The following WDR33 variants were observed in gnomAD, a reference collection of about 807,000 sequenced individuals.
WDR33 encodes the protein pre-mRNA 3' end processing protein WDR33.
WDR33 carries 47 observed loss-of-function variants against 164.9 expected under a neutral mutation model. The observed-to-expected ratio is 0.29, with a 90% confidence interval of 0.23 to 0.36. The LOEUF is 0.36. WDR33 is among the 10% of genes least tolerant of loss of function. The pLI, the probability that WDR33 is intolerant of heterozygous loss-of-function variation, is 1.00. For missense variants in WDR33, 1,137 were observed against 1,754.1 expected (o/e 0.65, Z 6.28); for synonymous variants, 505 against 589.0 (o/e 0.86, Z 2.06).
In WDR33 at chr2:127,719,237, G is replaced by A. The variant is rs1686366425; in HGVS notation, c.2760+28C>T. ...TCTGTGCAGAGTGTATTTTCCCAAT[G>A]TGCCCGTGAGTTGGAAATGAATAAT... On this transcript the variant is annotated intron_variant, in intron 16 of 21. Transcript: ENST00000322313. The surrounding 1 kb of genome is among the most constrained non-coding windows in gnomAD (Gnocchi z 6.5). 1 of 1,395,232 alleles carries A rather than the reference G, an allele frequency of 7.2e-7. No individual in the cohort carries two copies. Among genetic ancestry groups the A allele is most frequent in the African/African-American group, 1.4e-5 (1 of 69,074 alleles). 86.4% of individuals were successfully genotyped at this position (1,395,232 alleles called of 1,614,324 possible). A position where few individuals can be genotyped will look rare whatever the true frequency, so the allele number is the denominator to read the frequency against.
chr2:127,761,025 G>A (rs1368950325), intron 7 of WDR33, among the ~76,000 whole-genome samples: 3 of 152,034 alleles, frequency 2.0e-5, no homozygotes, highest in African/African-American at 7.2e-5. Flanking sequence ...AATTTCAAAG[G>A]AAAGTTCTTA....
chr2:127,734,980 A>G (rs1686803707), intron 7 of WDR33, among the ~76,000 whole-genome samples: 1 of 152,240 alleles, frequency 6.6e-6, no homozygotes. Flanking sequence ...AATAAAATGC[A>G]GACTCCTTAA....
intron 1 of WDR33, among the ~76,000 whole-genome samples, chr2:127,795,835 G>A (rs966388995): frequency 2.8e-5 from 4 of 144,878 alleles, no homozygotes; most frequent in Non-Finnish European, 3.0e-5. Context: ...CTTTGTCTCC[G>A]GAAAAAAAAA....
intron 7 of WDR33, among the ~76,000 whole-genome samples, chr2:127,751,590 A>T (rs1394659057): frequency 6.6e-6 from 1 of 151,940 alleles, no homozygotes; most frequent in East Asian, 1.9e-4. Context: ...AATACACTTA[A>T]AAAAGATACA....
chr2:127,701,858 G>A lies in WDR33; in HGVS notation c.*4465C>T, dbSNP rs1167458418. 6.8e-7 allele frequency: 1 copy of A among 1,461,400 alleles called. No homozygotes were observed. The highest frequency in any genetic ancestry group is 1.3e-5 in the South Asian group (1 of 77,964). 90.5% of individuals were successfully genotyped at this position (1,461,400 alleles called of 1,614,324 possible). On this transcript the variant is annotated 3_prime_UTR_variant, in exon 22 of 22. Coordinates refer to ENST00000322313, the MANE Select transcript of WDR33 (RefSeq NM_018383.5). ...TGCTGCGCGCGCGCAAGTTCGCGCT[G>A]CTCTGGTCACTGGGCTCGGCGCTGG...
intron 8 of WDR33, among the ~76,000 whole-genome samples, chr2:127,725,766 A>G (rs1353562970): frequency 6.8e-6 from 1 of 147,426 alleles, no homozygotes; most frequent in African/African-American, 2.5e-5. Flanking sequence ...TAATAATAAT[A>G]ATAATAATAA....
chr2:127,777,140 C>G (rs1422917038), intron 1 of WDR33, among the ~76,000 whole-genome samples: 1 of 152,166 alleles, frequency 6.6e-6, no homozygotes, highest in Non-Finnish European at 1.5e-5. Context: ...AACAATACAA[C>G]CAAATTGCTA....
chr2:127,739,873 A>G (rs1686962533), intron 7 of WDR33, among the ~76,000 whole-genome samples: 1 of 152,224 alleles, frequency 6.6e-6, no homozygotes, highest in Non-Finnish European at 1.5e-5. Context: ...AACTTTTGTA[A>G]GACTGCTAAA....
chr2:127,722,132 T>A lies in WDR33; in HGVS notation c.1519-144A>T. 1.1e-6 allele frequency: 1 copy of A among 938,098 alleles called. No individual in the cohort carries two copies. Among genetic ancestry groups the A allele is most frequent in the Non-Finnish European group, 1.6e-6 (1 of 642,810 alleles). The allele number at this position is 938,098 out of a possible 1,614,324, so 58.1% of individuals were successfully genotyped here. The stretch of plus-strand genomic sequence containing the variant: ...TTTTACCTTTTCTCCATGACTCAAG[T>A]ACATGACTCATGCTAATTCTTACTG... On this transcript the variant is annotated intron_variant, in intron 14 of 21. Transcript: ENST00000322313. The surrounding 1 kb of genome is among the most constrained non-coding windows in gnomAD (Gnocchi z 5.1).
At chr2:127,754,487 C>T (rs1687462567) in intron 7 of WDR33, among the ~76,000 whole-genome samples, 2 of 152,018 alleles carry the variant, frequency 1.3e-5, no homozygotes, top group South Asian at 2.1e-4. Context: ...GGCGCGATCT[C>T]GGCTCACTGC....
chr2:127,764,201 T>C lies in WDR33; in HGVS notation c.626+627A>G. On this transcript the variant is annotated intron_variant, in intron 6 of 21. Coordinates refer to ENST00000322313, the MANE Select transcript of WDR33 (RefSeq NM_018383.5). The surrounding 1 kb of genome is among the most constrained non-coding windows in gnomAD (Gnocchi z 6.2). ...TTTAAACTCCACTTATTGTATACAT[T>C]TGCATAAGTGATGTTATCAACAGTG... The C allele has an allele frequency of 2.8e-6, 3 of 1,065,258 alleles. No homozygotes were observed. The highest frequency in any genetic ancestry group is 3.4e-6 in the Non-Finnish European group (3 of 882,346). The allele number at this position is 1,065,258 out of a possible 1,614,324, so 66.0% of individuals were successfully genotyped here. A position where few individuals can be genotyped will look rare whatever the true frequency, so the allele number is the denominator to read the frequency against.
At chr2:127,798,150 C>T (rs1456655197) in intron 1 of WDR33, among the ~76,000 whole-genome samples, 2 of 151,016 alleles carry the variant, frequency 1.3e-5, no homozygotes, top group African/African-American at 4.9e-5. Flanking sequence ...GGTGGATCAC[C>T]TGAGATCAGG....
intron 7 of WDR33, among the ~76,000 whole-genome samples, chr2:127,752,228 C>T (rs1486518679): frequency 6.6e-6 from 1 of 152,180 alleles, no homozygotes; most frequent in Non-Finnish European, 1.5e-5. Context: ...AATTCTTGTG[C>T]TTAAGGTTGG....
At chr2:127,757,077 CAA>C (rs11381814) in intron 7 of WDR33, among the ~76,000 whole-genome samples, 35 of 85,000 alleles carry the variant, frequency 4.1e-4, no homozygotes, top group Non-Finnish European at 3.6e-4. Flanking sequence ...AACCTGTCTC[CAA>C]AAAAAAAAAA....
At chr2:127,773,407 T>G (rs1688074991) in intron 1 of WDR33, among the ~76,000 whole-genome samples, 1 of 135,310 alleles carries the variant, frequency 7.4e-6, no homozygotes, top group Non-Finnish European at 1.5e-5. Context: ...TAAATTTGAA[T>G]AATAATAACA....
chr2:127,756,768 G>C (rs530629760), intron 7 of WDR33, among the ~76,000 whole-genome samples: 4 of 151,984 alleles, frequency 2.6e-5, no homozygotes, highest in Non-Finnish European at 5.9e-5. Context: ...ATAATCATAG[G>C]GATTTGTCAC....
intron 17 of WDR33, among the ~76,000 whole-genome samples, chr2:127,715,153 G>A (rs1686270391): frequency 6.9e-6 from 1 of 145,622 alleles, no homozygotes; most frequent in Non-Finnish European, 1.5e-5. Flanking sequence ...ATGAAGTGGC[G>A]TGATCTCAGC....
At chr2:127,750,414 A>T (rs568744462) in intron 7 of WDR33, among the ~76,000 whole-genome samples, 1 of 151,726 alleles carries the variant, frequency 6.6e-6, no homozygotes, top group African/African-American at 2.4e-5. Context: ...TGGGAGACTG[A>T]GGCAGATGAA....
Position 127,705,960 on chromosome 2 carries a change from A to C in WDR33, c.*363T>G, listed in dbSNP as rs1685998473. 1.8e-5 allele frequency: 4 copies of C among 221,834 alleles called. 1 individual carries two copies. In the East Asian group the frequency reaches 3.7e-4, roughly 20 times the overall value. 13.7% of individuals were successfully genotyped at this position (221,834 alleles called of 1,614,324 possible). ...AATCACATTCTGTATTCATACAAAA[A>C]CTTTGTTTTTCTCTGACAAACTGTA... On this transcript the variant is annotated 3_prime_UTR_variant, in exon 22 of 22. Transcript: ENST00000322313. The surrounding 1 kb of genome is among the most constrained non-coding windows in gnomAD (Gnocchi z 4.5).
Sources: allele counts gnomAD v4.1 joint callset (sites outside exome capture counted in the v4.1 genomes callset), GRCh38; gene constraint gnomAD v4.1.1; non-coding constraint Gnocchi (gnomAD v3.1); transcripts MANE v1.5; gene names NCBI Gene and HGNC (gene_info 2026-07-23, HGNC 2026-07-21).